The following MSI2 variants were observed in gnomAD, a reference collection of about 807,000 sequenced individuals.
MSI2 encodes the protein RNA-binding protein Musashi homolog 2.
A neutral mutation model predicts 45.6 loss-of-function variants in MSI2; 17 were observed. The ratio of observed to expected loss-of-function variants is 0.37; its 90% CI spans 0.26 to 0.56. MSI2 has a LOEUF of 0.56. Among genes scored for constraint, MSI2 ranks in the 20% least tolerant of loss-of-function variants. The pLI is 0.77. For synonymous variants in MSI2, 156 were observed against 158.2 expected (o/e 0.99, Z 0.11); for missense variants, 293 against 444.2 (o/e 0.66, Z 3.06).
chr17:57,599,713 C>T (rs981260562), intron 8 of MSI2, among the ~76,000 whole-genome samples: 30 of 152,194 alleles, frequency 2.0e-4, no homozygotes, highest in South Asian at 2.1e-4. Context: ...TGTTGGTCCA[C>T]GTTCCCAGCA....
rs1281200001 is a variant in MSI2, at chr17:57,596,783, C to G, written c.455-85C>G. ...CCAGACCAGGAGGCTGTCAAGACCT[C>G]AGGACGTCAGAGAAAAACCTGGGCC... On this transcript the variant is annotated intron_variant, in intron 7 of 13. Coordinates refer to ENST00000284073, the MANE Select transcript of MSI2 (RefSeq NM_138962.4). This position sits in a 1 kb window ranked among gnomAD's most constrained non-coding sequence, Gnocchi z 4.6. 2.6e-5 allele frequency: 24 copies of G among 915,878 alleles called. No individual in the cohort carries two copies. The highest frequency in any genetic ancestry group is 9.0e-6 in the Non-Finnish European group (5 of 556,940). 56.7% of individuals were successfully genotyped at this position (915,878 alleles called of 1,614,324 possible).
chr17:57,620,930 C>T (rs993869259), intron 9 of MSI2, among the ~76,000 whole-genome samples: 2 of 152,210 alleles, frequency 1.3e-5, no homozygotes, highest in South Asian at 2.1e-4. Flanking sequence ...AGAGCCTCCT[C>T]CTGAGCCCTC....
intron 5 of MSI2, among the ~76,000 whole-genome samples, chr17:57,376,881 A>G (rs2083506049): frequency 7.5e-6 from 1 of 133,300 alleles, no homozygotes; most frequent in Non-Finnish European, 1.6e-5. Context: ...GGAAAGGGGA[A>G]GAACATGGTC....
At position 57,401,330 on chromosome 17, in the gene MSI2, C is replaced by T. The variant is rs1250612142; in HGVS notation, c.313-49C>T. 4 of 1,494,994 alleles carry T rather than the reference C, an allele frequency of 2.7e-6. No individual in the cohort carries two copies. In the East Asian group the frequency reaches 9.0e-5, roughly 34 times the overall value. 92.6% of individuals were successfully genotyped at this position (1,494,994 alleles called of 1,614,324 possible). On this transcript the variant is annotated intron_variant, in intron 5 of 13. Coordinates refer to ENST00000284073, the MANE Select transcript of MSI2 (RefSeq NM_138962.4). ...TGTTTCAGCAGCCTCTTGAGCCCTG[C>T]TTTAGATAACCTGGTTAACCCATGC...
At chr17:57,349,218 C>T (rs1168427742) in intron 5 of MSI2, among the ~76,000 whole-genome samples, 1 of 152,200 alleles carries the variant, frequency 6.6e-6, no homozygotes, top group East Asian at 1.9e-4. Flanking sequence ...CTCCTCAGCT[C>T]ACTGCCTTCT....
chr17:57,376,251 G>A (rs2083494353), intron 5 of MSI2, among the ~76,000 whole-genome samples: 1 of 152,142 alleles, frequency 6.6e-6, no homozygotes, highest in Non-Finnish European at 1.5e-5. Context: ...TGGAGAAAAG[G>A]TATACAATAC....
At position 57,640,366 on chromosome 17, in the gene MSI2, A is replaced by G. The variant is rs145105952; in HGVS notation, c.728-11733A>G. Among the ~76,000 whole-genome samples the G allele has an allele frequency of 2.6e-4, 40 of 152,372 alleles. No individual in the cohort carries two copies. In the East Asian group the frequency reaches 5.8e-3, roughly 22 times the overall value. On this transcript the variant is annotated intron_variant, in intron 10 of 13. Coordinates refer to ENST00000284073, the MANE Select transcript of MSI2 (RefSeq NM_138962.4). ...CACAAGCGAATTATCAATGTTATCT[A>G]TTAAAGCCCTTTGGATGTGAAATGC...
At chr17:57,362,055 A>T (rs1916851241) in intron 5 of MSI2, among the ~76,000 whole-genome samples, 1 of 152,240 alleles carries the variant, frequency 6.6e-6, no homozygotes, top group Non-Finnish European at 1.5e-5. Flanking sequence ...GGCTATTAGG[A>T]AAGGGGTCTA....
chr17:57,614,089 C>T (rs766603014), intron 8 of MSI2, among the ~76,000 whole-genome samples: 3 of 151,976 alleles, frequency 2.0e-5, no homozygotes, highest in African/African-American at 2.4e-5. Context: ...CTCGCTCTGT[C>T]GCCCAGGCTG....
At chr17:57,386,157 C>T (rs147808472) in intron 5 of MSI2, among the ~76,000 whole-genome samples, 4 of 152,266 alleles carry the variant, frequency 2.6e-5, no homozygotes, top group Admixed American at 6.5e-5. Flanking sequence ...ACCAGCTGTG[C>T]GTGTCCAAGT....
At chr17:57,310,559 C>G (rs1276085278) in intron 5 of MSI2, among the ~76,000 whole-genome samples, 4 of 152,184 alleles carry the variant, frequency 2.6e-5, no homozygotes, top group African/African-American at 4.8e-5. Flanking sequence ...GTCTCGAACT[C>G]CTGACTTCAA....
At chr17:57,603,808 C>T (rs572899404) in intron 8 of MSI2, among the ~76,000 whole-genome samples, 1 of 152,386 alleles carries the variant, frequency 6.6e-6, no homozygotes, top group Non-Finnish European at 1.5e-5. Flanking sequence ...TTGTTGACTC[C>T]TGGACTAAAC....
At chr17:57,331,938 A>G (rs1388341368) in intron 5 of MSI2, among the ~76,000 whole-genome samples, 5 of 152,186 alleles carry the variant, frequency 3.3e-5, no homozygotes, top group Non-Finnish European at 7.3e-5. Context: ...ATCGTACTCA[A>G]AAATATCAGT....
intron 6 of MSI2, among the ~76,000 whole-genome samples, chr17:57,514,823 T>C: frequency 6.6e-6 from 1 of 151,866 alleles, no homozygotes. Flanking sequence ...AGACCAAAAA[T>C]TTCCAACCTC....
chr17:57,519,948 T>C (rs555661920), intron 6 of MSI2, among the ~76,000 whole-genome samples: 1 of 152,234 alleles, frequency 6.6e-6, no homozygotes, highest in Admixed American at 6.5e-5. Context: ...CCCAAGCTAC[T>C]CAGGAGGCTG....
rs1913642134 is a variant in MSI2 at position 57,682,126 on chromosome 17, T to C, written c.*2609T>C. The C allele has an allele frequency of 5.1e-6, 1 of 196,824 alleles. No homozygotes were observed. Among genetic ancestry groups the C allele is most frequent in the Non-Finnish European group, 1.1e-5 (1 of 95,046 alleles). The allele number at this position is 196,824 out of a possible 1,614,324, so 12.2% of individuals were successfully genotyped here. A position where few individuals can be genotyped will look rare whatever the true frequency, so the allele number is the denominator to read the frequency against. On this transcript the variant is annotated 3_prime_UTR_variant, in exon 14 of 14. Transcript: ENST00000284073. ...AAAAAATTAGACATAGTTATTCAGA[T>C]TTAGGACCAGTAAGGATAGAACTTT...
At chr17:57,286,165 G>T (rs973822736) in intron 5 of MSI2, among the ~76,000 whole-genome samples, 2 of 150,044 alleles carry the variant, frequency 1.3e-5, no homozygotes, top group East Asian at 3.9e-4. Flanking sequence ...TAATTTTCAT[G>T]TGGGGCGACA....
chr17:57,286,610 G>A (rs958216859), intron 5 of MSI2, among the ~76,000 whole-genome samples: 4 of 151,882 alleles, frequency 2.6e-5, no homozygotes, highest in African/African-American at 7.3e-5. Flanking sequence ...ATTGGTATCC[G>A]GGCTCCATAA....
intron 7 of MSI2, among the ~76,000 whole-genome samples, chr17:57,561,740 G>A (rs577278349): frequency 7.2e-5 from 11 of 152,224 alleles, no homozygotes; most frequent in South Asian, 2.1e-4. Context: ...AGTCTCTGCC[G>A]CCCCTCTTGA....
Sources: allele counts gnomAD v4.1 joint callset (sites outside exome capture counted in the v4.1 genomes callset), GRCh38; gene constraint gnomAD v4.1.1; non-coding constraint Gnocchi (gnomAD v3.1); transcripts MANE v1.5; gene names NCBI Gene and HGNC (gene_info 2026-07-23, HGNC 2026-07-21).